SLC9B1: variants seen among roughly 807,000 people sequenced by gnomAD.
SLC9B1 encodes the protein solute carrier family 9 member B1, also known as sodium/hydrogen exchanger 9B1.
SLC9B1 carries 32 observed loss-of-function variants against 51.7 expected under a neutral mutation model. That is an observed-to-expected ratio of 0.62 (90% CI 0.47 to 0.83). SLC9B1 has a LOEUF of 0.83. Among genes scored for constraint, SLC9B1 ranks in the 40% least tolerant of loss-of-function variants. SLC9B1 has a pLI of 0.00. For missense variants in SLC9B1, 406 were observed against 613.2 expected (o/e 0.66, Z 3.57); for synonymous variants, 145 against 212.7 (o/e 0.68, Z 2.77).
chr4:102,932,167 A>G lies in SLC9B1; in HGVS notation c.786T>C (p.Ala262=), dbSNP rs1736490971. 1.2e-6 allele frequency: 2 copies of G among 1,612,022 alleles called. No individual in the cohort carries two copies. The highest frequency in any genetic ancestry group is 2.2e-4 in the Middle Eastern group (1 of 4,472). ...TCAAGCATGTATTGAATCCAGTGAT[A>G]GCCAGAATGTCATCCATACTGCTAG... The part of the protein sequence containing the change: ...MAASSMDDIL[A]ITGFNTCLSI... The change falls in exon 7 of 12, where the codon GCT becomes GCC. Residue 262 remains alanine, a synonymous_variant. Coordinates refer to ENST00000296422, the MANE Select transcript of SLC9B1 (RefSeq NM_139173.4).
intron 7 of SLC9B1, among the ~76,000 whole-genome samples, chr4:102,914,691 C>A (rs1462389370): frequency 6.6e-6 from 1 of 151,946 alleles, no homozygotes; most frequent in African/African-American, 2.4e-5. Context: ...ATTATGGAGT[C>A]AGAGGAGCAA....
At chr4:103,018,794 A>G (rs1170478875) in intron 1 of SLC9B1, among the ~76,000 whole-genome samples, 1 of 152,016 alleles carries the variant, frequency 6.6e-6, no homozygotes, top group African/African-American at 2.4e-5. Flanking sequence ...GGGATCCCCA[A>G]CCCCTGGGCA....
chr4:102,899,785 T>C (rs188160700), downstream of SLC9B1, among the ~76,000 whole-genome samples: 6 of 152,304 alleles, frequency 3.9e-5, no homozygotes, highest in Admixed American at 3.9e-4. Context: ...ACTGGCACAG[T>C]TTAAATTTTT....
intron 3 of SLC9B1, among the ~76,000 whole-genome samples, chr4:102,955,298 C>T (rs1737728308): frequency 6.6e-6 from 1 of 152,196 alleles, no homozygotes; most frequent in Admixed American, 6.5e-5. Context: ...TGCCTTTCAC[C>T]TCCCGACATG....
At chr4:102,983,657 T>C (rs1739472510) in intron 3 of SLC9B1, among the ~76,000 whole-genome samples, 1 of 152,268 alleles carries the variant, frequency 6.6e-6, no homozygotes, top group African/African-American at 2.4e-5. Context: ...GGTTATTGAA[T>C]TTGTGGGAAT....
rs989897308 is a variant in SLC9B1 at position 103,002,436 on chromosome 4, A to G, written c.-1-10724T>C. Among the ~76,000 whole-genome samples the G allele has an allele frequency of 3.9e-5, 6 of 152,232 alleles. No individual in the cohort carries two copies. In the South Asian group the frequency reaches 1.2e-3, roughly 32 times the overall value. On this transcript the variant is annotated intron_variant, in intron 1 of 11. Transcript: ENST00000296422. ...CTCTCATAAGAATTTATAGGCTAAC[A>G]TTTAGAAAATGCTGTAATAACTTAA...
chr4:102,984,711 C>T (rs1010125394), intron 3 of SLC9B1, among the ~76,000 whole-genome samples: 1 of 152,126 alleles, frequency 6.6e-6, no homozygotes, highest in African/African-American at 2.4e-5. Context: ...ATCCAGTTGA[C>T]TGATGATACT....
At position 102,945,329 on chromosome 4, in the gene SLC9B1, C is replaced by G. The variant is rs755471310; in HGVS notation, c.526-9G>C. 2 of 1,587,474 alleles carry G rather than the reference C, an allele frequency of 1.3e-6. No individual in the cohort carries two copies. Among genetic ancestry groups the G allele is most frequent in the Non-Finnish European group, 8.6e-7 (1 of 1,164,678 alleles). The stretch of plus-strand genomic sequence containing the variant: ...TTCAAATGCCTCAAAGCCTGAAACA[C>G]AAAACAGTCACACTTAGATACATTT... On this transcript the variant is annotated splice_polypyrimidine_tract_variant and intron_variant, in intron 5 of 11. Coordinates refer to ENST00000296422, the MANE Select transcript of SLC9B1 (RefSeq NM_139173.4).
intron 7 of SLC9B1, among the ~76,000 whole-genome samples, chr4:102,920,130 T>G (rs536553885): frequency 6.6e-6 from 1 of 152,348 alleles, no homozygotes; most frequent in South Asian, 2.1e-4. Flanking sequence ...GTAGCCTAAC[T>G]GGGACACACC....
chr4:102,981,809 T>C (rs545874582), intron 3 of SLC9B1, among the ~76,000 whole-genome samples: 1 of 152,336 alleles, frequency 6.6e-6, no homozygotes, highest in Non-Finnish European at 1.5e-5. Flanking sequence ...TGCTTGTCTT[T>C]TCATTCTCTT....
chr4:102,954,058 A>G (rs1393215039), intron 3 of SLC9B1, among the ~76,000 whole-genome samples: 1 of 46,326 alleles, frequency 2.2e-5, no homozygotes, highest in East Asian at 5.6e-4. Flanking sequence ...CTGGTTTTCA[A>G]AGGGAATGCT....
intron 11 of SLC9B1, chr4:102,888,895 C>T (rs1208159123): frequency 6.6e-6 from 1 of 152,252 alleles, no homozygotes. Context: ...AAGACAAATA[C>T]AAAAGCTTTT....
intron 11 of SLC9B1, chr4:102,889,991 A>ATTG (rs1734157092): frequency 3.4e-5 from 1 of 29,766 alleles, no homozygotes; most frequent in South Asian, 8.2e-4. Flanking sequence ...ACTGCGTCAC[A>ATTG]TGATTGTTTT....
chr4:102,949,529 A>C lies in SLC9B1; in HGVS notation c.212-102T>G, dbSNP rs1346111777. Reference sequence around the variant, plus strand: ...ATCATATATACTAATAGCCAGTTTTATAAAATGATACATGGTATAGATCAA... The same window carrying C: ...ATCATATATACTAATAGCCAGTTTTCTAAAATGATACATGGTATAGATCAA... On this transcript the variant is annotated intron_variant, in intron 3 of 11. Coordinates refer to ENST00000296422, the MANE Select transcript of SLC9B1 (RefSeq NM_139173.4). 3.6e-6 allele frequency: 3 copies of C among 837,332 alleles called. No homozygotes were observed. In the Admixed American group the frequency reaches 1.0e-4, roughly 29 times the overall value. The allele number at this position is 837,332 out of a possible 1,614,324, so 51.9% of individuals were successfully genotyped here.
chr4:102,911,889 T>C (rs1735355349), intron 7 of SLC9B1: 1 of 193,798 alleles, frequency 5.2e-6, no homozygotes, highest in Non-Finnish European at 1.1e-5. Context: ...TCCCAGTGCT[T>C]TGGGAGGCTG....
intron 1 of SLC9B1, among the ~76,000 whole-genome samples, chr4:103,001,029 G>A (rs1740498241): frequency 6.6e-6 from 1 of 152,218 alleles, no homozygotes; most frequent in Non-Finnish European, 1.5e-5. Flanking sequence ...CTGAAATCTA[G>A]GTGGAGGTTT....
chr4:102,964,181 A>T (rs1738297220), intron 3 of SLC9B1, among the ~76,000 whole-genome samples: 1 of 152,064 alleles, frequency 6.6e-6, no homozygotes. Context: ...TTTAAGGCAA[A>T]AAATTCGACA....
Position 103,013,642 on chromosome 4 carries a change from A to C in SLC9B1, c.-2+5957T>G, listed in dbSNP as rs538315341. ...TCTCTACTTGTCTTACAAGCATCTT[A>C]AGTTAGTATATGCACAAACTCAAGA... On this transcript the variant is annotated intron_variant, in intron 1 of 11. Transcript: ENST00000296422. Among the ~76,000 whole-genome samples the C allele has an allele frequency of 3.9e-5, 6 of 152,352 alleles. No homozygotes were observed. The South Asian group carries it at 1.2e-3, about 32-fold the overall frequency.
At chr4:102,907,015 G>T (rs953126941) in intron 9 of SLC9B1, among the ~76,000 whole-genome samples, 1 of 152,116 alleles carries the variant, frequency 6.6e-6, no homozygotes. Context: ...GAGCCACCAT[G>T]CCTGGCCTAA....
Sources: allele counts gnomAD v4.1 joint callset (sites outside exome capture counted in the v4.1 genomes callset), GRCh38; gene constraint gnomAD v4.1.1; transcripts MANE v1.5; gene names NCBI Gene and HGNC (gene_info 2026-07-23, HGNC 2026-07-21).